The following GRM3 variants were observed in gnomAD, a reference collection of about 807,000 sequenced individuals.
The protein encoded by GRM3 is metabotropic glutamate receptor 3.
In GRM3, 26 loss-of-function variants were observed where a neutral mutation model predicts 70.5. That is an observed-to-expected ratio of 0.37 (90% confidence interval 0.27 to 0.51). The LOEUF (loss-of-function observed/expected upper bound fraction) is 0.51. Ranked by LOEUF, GRM3 falls within the 20% of genes least tolerant of loss-of-function variation. The probability of loss-of-function intolerance (pLI) is 0.93; values close to 1 mark genes in which losing one functional copy is unlikely to be tolerated. For synonymous variants in GRM3, 443 were observed against 434.9 expected, an observed-to-expected ratio of 1.02 and a Z score of -0.23; for missense variants, 859 against 1,123.8, an observed-to-expected ratio of 0.76 and a Z score of 3.37.
In GRM3 at chr7:86,786,429, G is replaced by A. The variant is rs1721948559; in HGVS notation, c.637G>A (p.Val213Met). ...CTTGCGCTTCTTCAACTGGACCTAC[G>A]TGTCCACAGTAGCCTCCGAGGGTGA... Reference protein sequence around the residue: ...EILRFFNWTYVSTVASEGDYG... With the variant: ...EILRFFNWTYMSTVASEGDYG... Residue 213 changes from valine (V) to methionine (M), a missense_variant, in exon 3 of 6, where the codon GTG (valine) becomes ATG (methionine). Val to Met is a conservative substitution (Grantham distance 21). Coordinates refer to ENST00000361669, the MANE Select transcript of GRM3 (RefSeq NM_000840.3). This position sits in a 1 kb window ranked among gnomAD's most constrained non-coding sequence, Gnocchi z 6.0. 1 of 1,613,992 alleles carries A rather than the reference G, an allele frequency of 6.2e-7. No homozygotes were observed. The highest frequency in any genetic ancestry group is 1.1e-5 in the South Asian group (1 of 91,082).
At chr7:86,698,347 T>G (rs1182943596) in intron 1 of GRM3, among the ~76,000 whole-genome samples, 1 of 151,798 alleles carries the variant, frequency 6.6e-6, no homozygotes, top group Non-Finnish European at 1.5e-5. Flanking sequence ...GTCCCTTCCT[T>G]AAAAGGTAAC....
chr7:86,722,771 C>CA (rs1562838744), intron 1 of GRM3, among the ~76,000 whole-genome samples: 1 of 151,844 alleles, frequency 6.6e-6, no homozygotes, highest in Admixed American at 6.6e-5. Flanking sequence ...CACATATAAG[C>CA]AAAAAAAGAA....
At chr7:86,693,735 C>T (rs55691022) in intron 1 of GRM3, among the ~76,000 whole-genome samples, 306 of 142,490 alleles carry the variant, frequency 2.1e-3, no homozygotes, top group Admixed American at 3.6e-3. Flanking sequence ...GAGCTAGAGC[C>T]GAGCCGCTGT....
At chr7:86,790,558 T>C (rs1185667170) in intron 3 of GRM3, among the ~76,000 whole-genome samples, 2 of 152,168 alleles carry the variant, frequency 1.3e-5, no homozygotes, top group East Asian at 3.9e-4. Context: ...TTGAGTTCCC[T>C]TGTTTCACTC....
At chr7:86,775,117 T>A (rs937990970) in intron 2 of GRM3, 1 of 152,110 alleles carries the variant, frequency 6.6e-6, no homozygotes, top group African/African-American at 2.4e-5. Flanking sequence ...TTTAACTGAC[T>A]CTCAGCTCTT....
chr7:86,723,127 G>A (rs1036312247), intron 1 of GRM3, among the ~76,000 whole-genome samples: 1 of 151,900 alleles, frequency 6.6e-6, no homozygotes, highest in Non-Finnish European at 1.5e-5. Context: ...TATAGAAACT[G>A]TATTTCCTGA....
intron 1 of GRM3, among the ~76,000 whole-genome samples, chr7:86,764,005 T>C (rs1008237074): frequency 1.3e-5 from 2 of 151,962 alleles, no homozygotes; most frequent in Non-Finnish European, 2.9e-5. Context: ...TAGTGGCTAA[T>C]TGAAAGATGG....
chr7:86,657,464 C>A (rs1793776190), intron 1 of GRM3, among the ~76,000 whole-genome samples: 1 of 152,170 alleles, frequency 6.6e-6, no homozygotes, highest in African/African-American at 2.4e-5. Context: ...TCATTCTAGA[C>A]CTATGCAAAA....
At chr7:86,716,228 G>C (rs1164581605) in intron 1 of GRM3, among the ~76,000 whole-genome samples, 4 of 151,704 alleles carry the variant, frequency 2.6e-5, no homozygotes, top group Non-Finnish European at 5.9e-5. Context: ...TTAATGATAA[G>C]ATGATGTAAA....
intron 1 of GRM3, among the ~76,000 whole-genome samples, chr7:86,744,238 T>A (rs576264367): frequency 6.6e-6 from 1 of 152,030 alleles, no homozygotes; most frequent in Non-Finnish European, 1.5e-5. Context: ...TATTAGAGAA[T>A]GTGGAAGCTT....
At chr7:86,835,421 A>C (rs1798437217) in intron 3 of GRM3, among the ~76,000 whole-genome samples, 1 of 152,182 alleles carries the variant, frequency 6.6e-6, no homozygotes, top group Non-Finnish European at 1.5e-5. Flanking sequence ...AAATATTTTA[A>C]TAATCTTGGA....
chr7:86,732,512 G>A (rs1012938889), intron 1 of GRM3, among the ~76,000 whole-genome samples: 14 of 152,190 alleles, frequency 9.2e-5, no homozygotes, highest in African/African-American at 1.9e-4. Flanking sequence ...CAACCAATAC[G>A]GCACAGTAAT....
At chr7:86,858,498 G>A (rs941793379) in intron 5 of GRM3, among the ~76,000 whole-genome samples, 1 of 152,080 alleles carries the variant, frequency 6.6e-6, no homozygotes, top group Non-Finnish European at 1.5e-5. Context: ...TGAACTAGAT[G>A]CTCACTCTAT....
At chr7:86,766,697 G>A (rs775943217) in intron 2 of GRM3, among the ~76,000 whole-genome samples, 2 of 152,006 alleles carry the variant, frequency 1.3e-5, no homozygotes, top group Non-Finnish European at 2.9e-5. Context: ...TTTAAGTTTA[G>A]TATTTTTTCT....
At chr7:86,813,489 A>C (rs890403622) in intron 3 of GRM3, among the ~76,000 whole-genome samples, 4 of 151,878 alleles carry the variant, frequency 2.6e-5, no homozygotes, top group Non-Finnish European at 5.9e-5. Flanking sequence ...CAGCAGTTGA[A>C]TTTTTAATCA....
At chr7:86,727,197 G>A (rs1584196477) in intron 1 of GRM3, among the ~76,000 whole-genome samples, 1 of 152,218 alleles carries the variant, frequency 6.6e-6, no homozygotes, top group South Asian at 2.1e-4. Flanking sequence ...AGATCTTAAT[G>A]GAAGAAATGT....
intron 3 of GRM3, among the ~76,000 whole-genome samples, chr7:86,801,214 G>A (rs1174824206): frequency 1.3e-5 from 2 of 151,920 alleles, no homozygotes; most frequent in African/African-American, 2.4e-5. Flanking sequence ...GGGATTACAG[G>A]TGCATGCCGC....
chr7:86,786,368 C>T lies in GRM3; in HGVS notation c.576C>T (p.Pro192=), dbSNP rs368299243. ...SRYDYFARTV[P]PDFYQAKAMA... ...ATGATTACTTTGCCAGGACCGTGCC[C>T]CCCGACTTCTACCAGGCCAAAGCCA... The change falls in exon 3 of 6, where the codon CCC becomes CCT. Residue 192 remains proline (P), a synonymous_variant. Transcript: ENST00000361669. This position sits in a 1 kb window ranked among gnomAD's most constrained non-coding sequence, Gnocchi z 6.0. 2 of 1,614,058 alleles carry T rather than the reference C, an allele frequency of 1.2e-6. No homozygotes were observed. Among genetic ancestry groups the T allele is most frequent in the African/African-American group, 2.7e-5 (2 of 74,930 alleles).
At chr7:86,649,376 T>C (rs111532654) in intron 1 of GRM3, among the ~76,000 whole-genome samples, 3 of 152,178 alleles carry the variant, frequency 2.0e-5, no homozygotes, top group Non-Finnish European at 4.4e-5. Flanking sequence ...TTGAACAATC[T>C]TTTTATTGAA....
Sources: allele counts gnomAD v4.1 joint callset (sites outside exome capture counted in the v4.1 genomes callset), GRCh38; gene constraint gnomAD v4.1.1; non-coding constraint Gnocchi (gnomAD v3.1); transcripts MANE v1.5; gene names NCBI Gene and HGNC (gene_info 2026-07-23, HGNC 2026-07-21).